The following BST1 variants were observed in gnomAD, a reference collection of about 807,000 sequenced individuals.
The protein encoded by BST1 is bone marrow stromal cell antigen 1, also known as ADP-ribosyl cyclase/cyclic ADP-ribose hydrolase 2.
In BST1, 49 loss-of-function variants were observed where a neutral mutation model predicts 40.6. The ratio of observed to expected loss-of-function variants is 1.21; its 90% confidence interval spans 0.96 to 1.53. The LOEUF is 1.53. Among genes scored for constraint, BST1 ranks in the 40% most tolerant of loss-of-function variants. BST1 has a pLI of 0.00. For missense variants in BST1, 423 were observed against 395.9 expected (o/e 1.07, Z -0.58); for synonymous variants, 157 against 159.3 (o/e 0.99, Z 0.11).
the BST1 span, among the ~76,000 whole-genome samples, chr4:15,748,993 CACATTACCA>C: frequency 3.3e-5 from 5 of 152,192 alleles, no homozygotes; most frequent in Non-Finnish European, 7.3e-5. Flanking sequence ...CCATAAAGGA[CACATTACCA>C]AGCAAGTTGT....
At chr4:15,745,520 A>G in the BST1 span, among the ~76,000 whole-genome samples, 1 of 152,222 alleles carries the variant, frequency 6.6e-6, no homozygotes, top group Non-Finnish European at 1.5e-5. Flanking sequence ...CTTCCAGGTA[A>G]TATGACTGAA....
intron 7 of BST1, among the ~76,000 whole-genome samples, chr4:15,722,527 C>T (rs9942212): frequency 0.1 from 15,367 of 152,000 alleles, 877 homozygotes; most frequent in African/African-American, 0.14. Context: ...TCCTGGGCCT[C>T]CTGCCTCAGC....
the BST1 span, among the ~76,000 whole-genome samples, chr4:15,754,566 G>C: frequency 1.3e-5 from 2 of 152,152 alleles, no homozygotes; most frequent in African/African-American, 4.8e-5. Flanking sequence ...ATGAGATAAA[G>C]AATCAACGTC....
the BST1 span, among the ~76,000 whole-genome samples, chr4:15,748,058 AGTGCCTTGCCAG>A: frequency 9.2e-5 from 14 of 152,180 alleles, no homozygotes; most frequent in African/African-American, 3.4e-4. Flanking sequence ...ACCAGCTCTA[AGTGCCTTGCCAG>A]GTCATTAAAC....
intron 4 of BST1, among the ~76,000 whole-genome samples, chr4:15,712,807 CTACCTG>C (rs1482414157): frequency 6.6e-6 from 1 of 152,214 alleles, no homozygotes; most frequent in Non-Finnish European, 1.5e-5. Context: ...TTTGCTCCCA[CTACCTG>C]TAGGTTTCAT....
At chr4:15,703,463 G>C in intron 1 of BST1, 131 bp downstream of exon 1, 6 of 1,390,558 alleles carry the variant, frequency 4.3e-6, no homozygotes, top group South Asian at 1.5e-5. Flanking sequence ...AGAGGTGAGT[G>C]TGGAGACAGC....
downstream of BST1, among the ~76,000 whole-genome samples, chr4:15,738,477 T>C (rs1224711347): frequency 6.6e-6 from 1 of 152,192 alleles, no homozygotes; most frequent in African/African-American, 2.4e-5. Context: ...GTGAGGAGTC[T>C]ATGATGTTGG....
At chr4:15,707,673 G>A in intron 3 of BST1, 27 bp downstream of exon 3, 1 of 1,612,070 alleles carries the variant, frequency 6.2e-7, no homozygotes, top group Non-Finnish European at 8.5e-7. Context: ...AATCACAGGA[G>A]ACTTAAGAAC....
intron 7 of BST1, among the ~76,000 whole-genome samples, chr4:15,722,066 T>C (rs892613732): frequency 3.9e-5 from 6 of 152,198 alleles, no homozygotes; most frequent in African/African-American, 1.4e-4. Flanking sequence ...TCTCCCTCTG[T>C]TGTGCACAGC....
At chr4:15,771,021 T>C in the BST1 span, among the ~76,000 whole-genome samples, 33,037 of 152,130 alleles carry the variant, frequency 0.22, 3,867 homozygotes, top group African/African-American at 0.31. Flanking sequence ...TCCTCAAGGC[T>C]AGTTTATTTC....
At chr4:15,758,762 T>C in the BST1 span, among the ~76,000 whole-genome samples, 2 of 152,192 alleles carry the variant, frequency 1.3e-5, no homozygotes, top group Non-Finnish European at 2.9e-5. Flanking sequence ...TTGATTGTTT[T>C]AGATTCTTCA....
intron 8 of BST1, among the ~76,000 whole-genome samples, chr4:15,729,739 G>A (rs965737721): frequency 7.2e-5 from 11 of 152,172 alleles, no homozygotes; most frequent in East Asian, 3.9e-4. Context: ...AGGTTTTTAA[G>A]CTACAAAGTG....
At chr4:15,768,648 C>T in the BST1 span, among the ~76,000 whole-genome samples, 5 of 151,982 alleles carry the variant, frequency 3.3e-5, no homozygotes, top group African/African-American at 4.8e-5. Context: ...CGCCCGCCAC[C>T]GCGCCCGGCT....
In BST1 at chr4:15,731,907, CGTGTTCT is replaced by C; in HGVS notation, c.*67_*73del. ...GCAGCCTCCCCTTGCAGTCATCATT[CGTGTTCT>C]GTGTATACCAAATGATTCTGTTATC... On this transcript the variant is annotated 3_prime_UTR_variant, in exon 9 of 9. Coordinates refer to ENST00000265016, the MANE Select transcript of BST1 (RefSeq NM_004334.3). 6 of 1,561,990 alleles carry C rather than the reference CGTGTTCT, an allele frequency of 3.8e-6. No homozygotes were observed. The highest frequency in any genetic ancestry group is 5.2e-6 in the Non-Finnish European group (6 of 1,152,960).
the BST1 span, chr4:15,743,553 TG>T: frequency 5.6e-6 from 2 of 357,524 alleles, no homozygotes; most frequent in Admixed American, 6.9e-5. Context: ...GGGCAACATC[TG>T]GGAGATGCTG....
the BST1 span, among the ~76,000 whole-genome samples, chr4:15,771,139 C>T: frequency 6.6e-6 from 1 of 152,180 alleles, no homozygotes; most frequent in African/African-American, 2.4e-5. Flanking sequence ...TGCAGTGTAA[C>T]TATGCACAAA....
chr4:15,751,608 C>G, the BST1 span, among the ~76,000 whole-genome samples: 1 of 151,764 alleles, frequency 6.6e-6, no homozygotes, highest in Admixed American at 6.6e-5. Context: ...TAGATATACA[C>G]TATATCTATG....
downstream of BST1, chr4:15,735,996 C>T (rs992687015): frequency 4.0e-5 from 43 of 1,068,452 alleles, no homozygotes; most frequent in Middle Eastern, 2.4e-4. Flanking sequence ...TGTCATACTG[C>T]ACGCAGAGTA....
the BST1 span, among the ~76,000 whole-genome samples, chr4:15,759,174 G>A: frequency 6.6e-6 from 1 of 152,066 alleles, no homozygotes; most frequent in Admixed American, 6.5e-5. Context: ...TCTCAGGGAC[G>A]GAGAAGGACT....
Sources: gnomAD v4.1 joint callset for allele counts (sites outside exome capture counted in the v4.1 genomes callset) on GRCh38, gnomAD v4.1.1 for gene constraint, MANE v1.5 for transcripts, NCBI Gene and HGNC (gene_info 2026-07-23, HGNC 2026-07-21) for gene names.